Variants in ACOX3 observed in about 807,000 individuals in gnomAD.
ACOX3 encodes peroxisomal acyl-coenzyme A oxidase 3.
A neutral mutation model predicts 81.5 loss-of-function variants in ACOX3; 73 were observed. The observed-to-expected ratio is 0.90, with a 90% confidence interval of 0.74 to 1.09. ACOX3 has a LOEUF of 1.09. ACOX3 is among the 50% of genes least tolerant of loss of function. ACOX3 has a pLI of 0.00. For missense variants in ACOX3, 947 were observed against 928.0 expected, an observed-to-expected ratio of 1.02 and a Z score of -0.27; for synonymous variants, 387 against 375.1, an observed-to-expected ratio of 1.03 and a Z score of -0.37.
Position 8,415,999 on chromosome 4 carries a change from T to C in ACOX3, c.145A>G (p.Lys49Glu), listed in dbSNP as rs765683585. ...TEGEGMLRFKKTIFSALENDP... is the reference protein window; with the variant it reads ...TEGEGMLRFKETIFSALENDP... ...TTCTCAAGAGCTGAGAAGATGGTTT[T>C]CTGGAAATGCAGGAGATGGGTAAGG... The change falls in exon 3 of 18, where the codon AAA becomes GAA. Residue 49 changes from lysine to glutamate, a missense_variant and splice_region_variant. Transcript: ENST00000356406. The C allele has an allele frequency of 5.9e-5, 95 of 1,613,768 alleles. No homozygotes were observed. In the East Asian group the frequency reaches 1.2e-3, roughly 20 times the overall value.
intron 15 of ACOX3, 194 bp downstream of exon 15, chr4:8,374,784 G>A (rs1037844920): frequency 6.0e-5 from 34 of 563,854 alleles, no homozygotes; most frequent in Non-Finnish European, 8.0e-5. Flanking sequence ...TGGGTTTCTC[G>A]GCACCACCCT....
Position 8,400,602 on chromosome 4 carries a change from C to T in ACOX3, c.777-950G>A, listed in dbSNP as rs1480879321. Among the ~76,000 whole-genome samples the T allele has an allele frequency of 6.6e-6, 1 of 152,146 alleles. No individual in the cohort carries two copies. Among genetic ancestry groups the T allele is most frequent in the Admixed American group, 6.5e-5 (1 of 15,284 alleles). On this transcript the variant is annotated intron_variant, in intron 7 of 17. Transcript: ENST00000356406. The surrounding 1 kb of genome is among the most constrained non-coding windows in gnomAD (Gnocchi z 4.4). ...AAGATACCTGTTATGGTTGTCTGGT[C>T]AGGAAAACCTATTACACAACAGTCT...
In ACOX3 at chr4:8,406,168, A is replaced by G. The variant is rs1178442948; in HGVS notation, c.688-125T>C. 8 of 844,786 alleles carry G rather than the reference A, an allele frequency of 9.5e-6. No individual in the cohort carries two copies. The Middle Eastern group carries it at 1.4e-3, about 148-fold the overall frequency. The allele number at this position is 844,786 out of a possible 1,614,324, so 52.3% of individuals were successfully genotyped here. Reference sequence around the variant, plus strand: ...ACGCTGGGCGGCTGTGGGTTAAACCATCCTCCAGAAATGATACATCCAAGT... The same window carrying G: ...ACGCTGGGCGGCTGTGGGTTAAACCGTCCTCCAGAAATGATACATCCAAGT... On this transcript the variant is annotated intron_variant, in intron 6 of 17. Transcript: ENST00000356406. The surrounding 1 kb of genome is among the most constrained non-coding windows in gnomAD (Gnocchi z 5.6).
downstream of ACOX3, among the ~76,000 whole-genome samples, chr4:8,364,632 C>T (rs1016852413): frequency 1.3e-5 from 2 of 151,900 alleles, no homozygotes; most frequent in African/African-American, 4.8e-5. The surrounding 1 kb of genome is among the most constrained non-coding windows in gnomAD (Gnocchi z 5.0). Context: ...ATGGTGACAT[C>T]GTGACATCAC....
Position 8,384,379 on chromosome 4 carries a change from T to C in ACOX3, c.1538-2772A>G, listed in dbSNP as rs1339201627. On this transcript the variant is annotated intron_variant, in intron 13 of 17. Coordinates refer to ENST00000356406, the MANE Select transcript of ACOX3 (RefSeq NM_003501.3). This position sits in a 1 kb window ranked among gnomAD's most constrained non-coding sequence, Gnocchi z 5.3. ...TTGTGTGTGTCATTTTCAGAGTTAA[T>C]GTGGAAGTGAAAAAGTATCGCTGAA... is the stretch of plus-strand genomic sequence containing the variant. Among the ~76,000 whole-genome samples the C allele has an allele frequency of 6.6e-6, 1 of 152,104 alleles. No individual in the cohort carries two copies.
rs1256812436 is a variant in ACOX3, at chr4:8,385,954, T to C, written c.1537+3219A>G. Among the ~76,000 whole-genome samples, 5 of 152,186 alleles carry C rather than the reference T, an allele frequency of 3.3e-5. No individual in the cohort carries two copies. The highest frequency in any genetic ancestry group is 7.3e-5 in the Non-Finnish European group (5 of 68,042). ...ACCACTTTGAACAAGTGAAAGCCAT[T>C]TGCCTTTGTTACTCCGGAAAACGTT... is the stretch of plus-strand genomic sequence containing the variant. On this transcript the variant is annotated intron_variant, in intron 13 of 17. Transcript: ENST00000356406. This position sits in a 1 kb window ranked among gnomAD's most constrained non-coding sequence, Gnocchi z 5.5.
Position 8,374,891 on chromosome 4 carries a change from G to T in ACOX3, c.1828+87C>A. On this transcript the variant is annotated intron_variant, in intron 15 of 17. Transcript: ENST00000356406. ...TGCTCAGTGAGTCCCGTGGAAGGAG[G>T]ACGATGGTGCAGGAAGCAGCTTCCT... 4.3e-6 allele frequency: 6 copies of T among 1,382,280 alleles called. No homozygotes were observed. In the South Asian group the frequency reaches 9.4e-5, roughly 22 times the overall value. 85.6% of individuals were successfully genotyped at this position (1,382,280 alleles called of 1,614,324 possible).
At position 8,406,416 on chromosome 4, in the gene ACOX3, C is replaced by A. The variant is rs1324596410; in HGVS notation, c.688-373G>T. 6.6e-6 allele frequency among the ~76,000 whole-genome samples: 1 copy of A among 152,068 alleles called. No homozygotes were observed. Among genetic ancestry groups the A allele is most frequent in the Non-Finnish European group, 1.5e-5 (1 of 68,022 alleles). On this transcript the variant is annotated intron_variant, in intron 6 of 17. Transcript: ENST00000356406. This position sits in a 1 kb window ranked among gnomAD's most constrained non-coding sequence, Gnocchi z 5.6. ...AGCGCTGGGGCTGTAGGGATCAGCCCCACAGGGTCAGTGGGTTTCTCCCCG... is the reference window on the plus strand; with the variant it reads ...AGCGCTGGGGCTGTAGGGATCAGCCACACAGGGTCAGTGGGTTTCTCCCCG...
chr4:8,380,657 G>GAC (rs1717523292), intron 14 of ACOX3, among the ~76,000 whole-genome samples: 1 of 152,178 alleles, frequency 6.6e-6, no homozygotes, highest in East Asian at 1.9e-4. Flanking sequence ...GGCAGATGTG[G>GAC]ACCTGGGTCC....
chr4:8,421,696 C>T (rs573887626), intron 1 of ACOX3, among the ~76,000 whole-genome samples: 102 of 152,330 alleles, frequency 6.7e-4, no homozygotes, highest in Non-Finnish European at 1.0e-3. Flanking sequence ...GGAAGCTCTA[C>T]GCTGTGTCCT....
At chr4:8,388,090 C>T (rs1486984689) in intron 13 of ACOX3, among the ~76,000 whole-genome samples, 1 of 152,278 alleles carries the variant, frequency 6.6e-6, no homozygotes, top group Non-Finnish European at 1.5e-5. Context: ...TCGAGATGAG[C>T]TCGGCATGGG....
chr4:8,393,868 A>G (rs538530109), intron 10 of ACOX3, among the ~76,000 whole-genome samples: 6 of 152,240 alleles, frequency 3.9e-5, no homozygotes, highest in African/African-American at 1.2e-4. Flanking sequence ...CACAGGCTTA[A>G]CCCCTTTAGT....
Position 8,374,968 on chromosome 4 carries a change from G to A in ACOX3, c.1828+10C>T. On this transcript the variant is annotated intron_variant, in intron 15 of 17. Transcript: ENST00000356406. ...GGGGAGGACAGCAAGCCCGCAGTCAGAAGCCTCACCTCGGTAGAGCAGGGC... is the reference window on the plus strand; with the variant it reads ...GGGGAGGACAGCAAGCCCGCAGTCAAAAGCCTCACCTCGGTAGAGCAGGGC... 1 of 1,499,168 alleles carries A rather than the reference G, an allele frequency of 6.7e-7. No individual in the cohort carries two copies. The allele number at this position is 1,499,168 out of a possible 1,614,324, so 92.9% of individuals were successfully genotyped here.
In ACOX3 at chr4:8,392,441, G is replaced by A. The variant is rs114722524; in HGVS notation, c.1192C>T (p.Arg398Cys). ...GCCGATGCCAGGGCGTGGATCTCAC[G>A]TCCAAGCTCTGCCTTTGGGTGAGGG... ...DRSARQAELG[R>C]EIHALASASK... Residue 398 changes from arginine (R) to cysteine (C), a missense_variant, in exon 11 of 18, where the codon CGT becomes TGT. Coordinates refer to ENST00000356406, the MANE Select transcript of ACOX3 (RefSeq NM_003501.3). The A allele has an allele frequency of 1.4e-4, 219 of 1,592,042 alleles. No homozygotes were observed. In the East Asian group the frequency reaches 2.7e-3, roughly 20 times the overall value.
chr4:8,415,729 G>T lies in ACOX3; in HGVS notation c.378+37C>A, dbSNP rs200740597. The T allele has an allele frequency of 4.2e-5, 66 of 1,589,960 alleles. No individual in the cohort carries two copies. The East Asian group carries it at 1.3e-3, about 32-fold the overall frequency. On this transcript the variant is annotated intron_variant, in intron 3 of 17. Coordinates refer to ENST00000356406, the MANE Select transcript of ACOX3 (RefSeq NM_003501.3). The stretch of plus-strand genomic sequence containing the variant: ...CATCCCTCAAGGCTCAGCGCAGCAT[G>T]AAAGCCGTTTCCCTCTCCCCTAGGC...
At chr4:8,390,382 A>G (rs563686930) in intron 11 of ACOX3, among the ~76,000 whole-genome samples, 5 of 151,336 alleles carry the variant, frequency 3.3e-5, no homozygotes, top group African/African-American at 4.8e-5. Context: ...ACCAGACACA[A>G]AGAACTGCCA....
At chr4:8,363,648 A>G (rs1184911289), downstream of ACOX3, among the ~76,000 whole-genome samples, 2 of 152,218 alleles carry the variant, frequency 1.3e-5, no homozygotes, top group Non-Finnish European at 2.9e-5. Context: ...GCTGAGACCT[A>G]CTGGGCTGCA....
At chr4:8,408,547 G>A (rs965026412) in intron 6 of ACOX3, among the ~76,000 whole-genome samples, 1 of 152,146 alleles carries the variant, frequency 6.6e-6, no homozygotes, top group African/African-American at 2.4e-5. Flanking sequence ...CAGACACGCC[G>A]AAAGCTGCTG....
chr4:8,388,771 G>A (rs916603032), intron 13 of ACOX3, among the ~76,000 whole-genome samples: 2 of 152,196 alleles, frequency 1.3e-5, no homozygotes, highest in African/African-American at 4.8e-5. Context: ...GAGCCAGCAG[G>A]GCCTGGGAGT....
Sources: gnomAD v4.1 joint callset for allele counts (sites outside exome capture counted in the v4.1 genomes callset) on GRCh38, gnomAD v4.1.1 for gene constraint, Gnocchi (gnomAD v3.1) non-coding constraint, MANE v1.5 for transcripts, NCBI Gene and HGNC (gene_info 2026-07-23, HGNC 2026-07-21) for gene names.